SV2C: variants seen among roughly 807,000 people sequenced by gnomAD.
SV2C encodes the protein solute carrier family 22 member B3.
SV2C carries 49 observed loss-of-function variants against 79.7 expected under a neutral mutation model. The ratio of observed to expected loss-of-function variants is 0.61; its 90% CI spans 0.49 to 0.78. SV2C has a LOEUF of 0.78. Among genes scored for constraint, SV2C ranks in the 30% least tolerant of loss-of-function variants. The pLI, the probability that SV2C is intolerant of heterozygous loss-of-function variation, is 0.00. For missense variants in SV2C, 833 were observed against 912.9 expected, an observed-to-expected ratio of 0.91 and a Z score of 1.13; for synonymous variants, 334 against 333.2, an observed-to-expected ratio of 1.00 and a Z score of -0.03.
the SV2C span, among the ~76,000 whole-genome samples, chr5:75,946,676 G>A: frequency 6.6e-6 from 1 of 151,980 alleles, no homozygotes; most frequent in East Asian, 1.9e-4. Context: ...TAGACTCGAA[G>A]GCTACCTATT....
the SV2C span, among the ~76,000 whole-genome samples, chr5:75,934,487 T>C: frequency 6.6e-6 from 1 of 151,896 alleles, no homozygotes; most frequent in Middle Eastern, 3.2e-3. Flanking sequence ...GGGGTTTCAC[T>C]ACGTTGGCCA....
chr5:76,265,000 C>G (rs899316593), intron 4 of SV2C, among the ~76,000 whole-genome samples: 3 of 152,218 alleles, frequency 2.0e-5, no homozygotes, highest in South Asian at 2.1e-4. Flanking sequence ...ATCTGCTGCT[C>G]TCTTCAGAGC....
the SV2C span, among the ~76,000 whole-genome samples, chr5:75,856,336 C>T: frequency 6.6e-6 from 1 of 152,110 alleles, no homozygotes. Context: ...GATGGTAACT[C>T]AATTTTTAGT....
In SV2C at chr5:76,293,707, A is replaced by G. The variant is rs1235475577; in HGVS notation, c.1337+1851A>G. 4.0e-5 allele frequency among the ~76,000 whole-genome samples: 6 copies of G among 149,528 alleles called. No homozygotes were observed. The Admixed American group carries it at 4.0e-4, about 10-fold the overall frequency. ...AAGGGGTGGGAATCCTGAGGCACAG[A>G]TGTTTTTGGAATCCTAATGACAATG... On this transcript the variant is annotated intron_variant, in intron 8 of 12. Transcript: ENST00000502798.
At chr5:75,971,576 T>C in the SV2C span, among the ~76,000 whole-genome samples, 3 of 152,072 alleles carry the variant, frequency 2.0e-5, no homozygotes, top group African/African-American at 7.3e-5. Context: ...CCATTCACAA[T>C]TGCTTCAAAG....
the SV2C span, among the ~76,000 whole-genome samples, chr5:76,053,743 A>G: frequency 6.6e-6 from 1 of 152,156 alleles, no homozygotes; most frequent in Non-Finnish European, 1.5e-5. Flanking sequence ...TTGAGGAGGC[A>G]GTGTGTATCT....
At chr5:76,259,709 T>C (rs1461027830) in intron 4 of SV2C, among the ~76,000 whole-genome samples, 1 of 152,182 alleles carries the variant, frequency 6.6e-6, no homozygotes, top group Admixed American at 6.5e-5. Flanking sequence ...TTTGGTTTTC[T>C]GTTCCTGTGT....
At chr5:76,118,912 G>C (rs1042402580) in intron 1 of SV2C, among the ~76,000 whole-genome samples, 4 of 152,200 alleles carry the variant, frequency 2.6e-5, no homozygotes, top group Non-Finnish European at 5.9e-5. Flanking sequence ...GAACCCAGGA[G>C]GTAGAGGTTG....
chr5:75,851,687 C>T, the SV2C span, among the ~76,000 whole-genome samples: 1 of 152,090 alleles, frequency 6.6e-6, no homozygotes, highest in East Asian at 1.9e-4. Context: ...GTCACCCAGG[C>T]TGGAGTGCAG....
chr5:76,110,548 C>T (rs1006766421), intron 1 of SV2C, among the ~76,000 whole-genome samples: 4 of 152,154 alleles, frequency 2.6e-5, no homozygotes, highest in African/African-American at 7.2e-5. Flanking sequence ...CATTTGTGGT[C>T]GGACAATCGA....
intron 2 of SV2C, among the ~76,000 whole-genome samples, chr5:76,159,736 C>G (rs963947663): frequency 1.3e-5 from 2 of 152,010 alleles, no homozygotes; most frequent in African/African-American, 4.8e-5. Flanking sequence ...AGATTAAGGG[C>G]CTACCCTACT....
chr5:76,287,561 C>G (rs1008700795), intron 6 of SV2C, among the ~76,000 whole-genome samples: 1 of 152,062 alleles, frequency 6.6e-6, no homozygotes, highest in Non-Finnish European at 1.5e-5. Context: ...CTTTATAGTT[C>G]CCCTCTCTCT....
At chr5:75,952,950 A>G in the SV2C span, among the ~76,000 whole-genome samples, 3 of 152,002 alleles carry the variant, frequency 2.0e-5, no homozygotes, top group Non-Finnish European at 4.4e-5. Context: ...AAGTGCTTCT[A>G]GATGTATCCC....
At chr5:75,852,355 A>G in the SV2C span, among the ~76,000 whole-genome samples, 7 of 152,204 alleles carry the variant, frequency 4.6e-5, no homozygotes, top group Non-Finnish European at 2.9e-5. Context: ...AAATAAATAC[A>G]CAAAAAATTA....
the SV2C span, among the ~76,000 whole-genome samples, chr5:76,046,295 T>C: frequency 7.9e-5 from 12 of 152,292 alleles, no homozygotes; most frequent in African/African-American, 2.9e-4. Flanking sequence ...TGTGATATGG[T>C]ACAGTGCTAA....
the SV2C span, among the ~76,000 whole-genome samples, chr5:75,924,073 A>G: frequency 6.6e-6 from 1 of 152,244 alleles, no homozygotes; most frequent in Non-Finnish European, 1.5e-5. Flanking sequence ...AATACTACTC[A>G]GCAATAAAAA....
At chr5:76,017,633 T>C in the SV2C span, among the ~76,000 whole-genome samples, 3 of 152,298 alleles carry the variant, frequency 2.0e-5, no homozygotes, top group African/African-American at 7.2e-5. Context: ...CTCCATAGTG[T>C]AGGTTAGCAT....
chr5:76,124,851 A>T (rs1178638391), intron 1 of SV2C, among the ~76,000 whole-genome samples: 1 of 152,210 alleles, frequency 6.6e-6, no homozygotes, highest in Non-Finnish European at 1.5e-5. Context: ...TTTTAAAATA[A>T]GCATGCTTTG....
At chr5:76,169,453 A>G (rs1178775570) in intron 2 of SV2C, among the ~76,000 whole-genome samples, 2 of 152,216 alleles carry the variant, frequency 1.3e-5, no homozygotes, top group South Asian at 2.1e-4. Flanking sequence ...TTACAAAGGC[A>G]TAAGTAGGTA....
Sources: gnomAD v4.1 joint callset for allele counts (sites outside exome capture counted in the v4.1 genomes callset) on GRCh38, gnomAD v4.1.1 for gene constraint, MANE v1.5 for transcripts, NCBI Gene and HGNC (gene_info 2026-07-23, HGNC 2026-07-21) for gene names.